Variants in ATIC observed in about 807,000 individuals in gnomAD.
ATIC encodes bifunctional purine biosynthesis protein ATIC.
Under a neutral mutation model 72.5 loss-of-function variants are expected in ATIC, and 64 were observed. The observed-to-expected ratio is 0.88, with a 90% CI of 0.72 to 1.09. ATIC has a LOEUF of 1.09. ATIC is among the 50% of genes least tolerant of loss of function. ATIC has a pLI of 0.00. For missense variants in ATIC, 787 were observed against 732.4 expected, an observed-to-expected ratio of 1.07 and a Z score of -0.86; for synonymous variants, 281 against 267.1, an observed-to-expected ratio of 1.05 and a Z score of -0.51.
chr2:215,331,381 G>GT (rs66928848), intron 7 of ATIC, among the ~76,000 whole-genome samples: 33,536 of 117,376 alleles, frequency 0.29, 5,224 homozygotes, highest in South Asian at 0.5. Context: ...TGTTTTTTGG[G>GT]TTTTTTTTTT....
At chr2:215,325,524 A>C (rs545188933) in intron 5 of ATIC, among the ~76,000 whole-genome samples, 195 bp downstream of exon 5, 1 of 151,506 alleles carries the variant, frequency 6.6e-6, no homozygotes, top group Non-Finnish European at 1.5e-5. Context: ...GTATGCAGAG[A>C]TGCATCTGGG....
At chr2:215,363,970 G>C in the ATIC span, among the ~76,000 whole-genome samples, 1 of 152,120 alleles carries the variant, frequency 6.6e-6, no homozygotes. Flanking sequence ...GCCCACCTGG[G>C]CCAGCTCCTT....
intron 14 of ATIC, chr2:215,347,319 C>CATTA (rs1314989190): frequency 2.7e-6 from 1 of 374,212 alleles, no homozygotes; most frequent in African/African-American, 2.1e-5. Flanking sequence ...CTGTATTCAA[C>CATTA]ATTAAATACA....
intron 13 of ATIC, 113 bp from the exon 14 acceptor site, chr2:215,346,646 A>C: frequency 8.1e-7 from 1 of 1,233,010 alleles, no homozygotes; most frequent in Admixed American, 1.7e-5. Flanking sequence ...TTTTGGCCTG[A>C]TATGTTCTTC....
the ATIC span, among the ~76,000 whole-genome samples, chr2:215,360,040 G>A: frequency 1.1e-4 from 16 of 152,138 alleles, no homozygotes; most frequent in Admixed American, 4.6e-4. Flanking sequence ...CTGGGTTCAA[G>A]CCATTCTCCT....
Position 215,324,938 on chromosome 2 carries a change from C to G in ATIC, c.291-303C>G, listed in dbSNP as rs572726690. On this transcript the variant is annotated intron_variant, in intron 4 of 15. Coordinates refer to ENST00000236959, the MANE Select transcript of ATIC (RefSeq NM_004044.7). ...AAAATGTTCTATAAATTTTTCATGG[C>G]TTGGTGGTTCTGGGTAGCTAAGGTT... Among the ~76,000 whole-genome samples, 7 of 152,114 alleles carry G rather than the reference C, an allele frequency of 4.6e-5. No individual in the cohort carries two copies. In the South Asian group the frequency reaches 1.5e-3, roughly 32 times the overall value.
chr2:215,364,839 C>T, the ATIC span: 117 of 1,385,112 alleles, frequency 8.4e-5, 1 homozygote, highest in South Asian at 1.4e-3. Context: ...CACCCTTTAT[C>T]TTATCTAACT....
chr2:215,344,753 A>C, intron 12 of ATIC, 26 bp from the exon 13 acceptor site: 1 of 1,603,144 alleles, frequency 6.2e-7, no homozygotes, highest in Non-Finnish European at 8.5e-7. Flanking sequence ...GGCCCCATGC[A>C]ATTTACCATT....
chr2:215,365,012 C>A, the ATIC span: 2 of 1,403,484 alleles, frequency 1.4e-6, no homozygotes, highest in South Asian at 1.2e-5. Flanking sequence ...GACAGATGCA[C>A]GCATAAGCTG....
At chr2:215,339,531 T>G (rs1041655002) in intron 12 of ATIC, among the ~76,000 whole-genome samples, 4 of 152,196 alleles carry the variant, frequency 2.6e-5, no homozygotes, top group Admixed American at 6.5e-5. Flanking sequence ...TAAATGCATA[T>G]TCATATCTTT....
chr2:215,363,211 T>A, the ATIC span: 1 of 152,142 alleles, frequency 6.6e-6, no homozygotes, highest in South Asian at 2.1e-4. Context: ...CACTTGAGAA[T>A]AGAATAAGTG....
At chr2:215,323,454 T>C (rs151202021) in intron 4 of ATIC, among the ~76,000 whole-genome samples, 105 of 152,378 alleles carry the variant, frequency 6.9e-4, no homozygotes, top group African/African-American at 2.4e-3. Flanking sequence ...GTGTCTTTAA[T>C]TTCTTTAACA....
intron 2 of ATIC, 66 bp downstream of exon 2, chr2:215,312,690 G>C: frequency 1.2e-6 from 2 of 1,611,490 alleles, no homozygotes; most frequent in Non-Finnish European, 1.7e-6. Context: ...TTGTATTCCA[G>C]GCACCAGCAG....
intron 11 of ATIC, 51 bp downstream of exon 11, chr2:215,336,175 T>C (rs1213335987): frequency 6.6e-6 from 9 of 1,363,986 alleles, no homozygotes; most frequent in Non-Finnish European, 9.4e-6. Flanking sequence ...ATTCTGTGTC[T>C]CTTTCTCCCT....
chr2:215,335,944 C>T lies in ATIC; in HGVS notation c.1009-91C>T, dbSNP rs1222938772. On this transcript the variant is annotated intron_variant, in intron 10 of 15. Coordinates refer to ENST00000236959, the MANE Select transcript of ATIC (RefSeq NM_004044.7). ...AGGCAGAAACCAGAATATGCTGCCA[C>T]ATTATTTAAGACTGATAATTGCTGC... 3.0e-6 allele frequency: 3 copies of T among 1,001,562 alleles called. No homozygotes were observed. The East Asian group carries it at 7.8e-5, about 26-fold the overall frequency. 62.0% of individuals were successfully genotyped at this position (1,001,562 alleles called of 1,614,324 possible).
chr2:215,353,808 C>T (rs188091405), downstream of ATIC, among the ~76,000 whole-genome samples: 16 of 152,098 alleles, frequency 1.1e-4, no homozygotes, highest in Non-Finnish European at 1.5e-4. Context: ...GTGATCTGCC[C>T]GCCTCGGCCT....
the ATIC span, among the ~76,000 whole-genome samples, chr2:215,358,452 A>G: frequency 0.024 from 3,665 of 152,280 alleles, 71 homozygotes; most frequent in Middle Eastern, 0.044. Flanking sequence ...CTTTGGAAAT[A>G]GTTGGTTCTC....
At chr2:215,347,038 A>G in intron 14 of ATIC, 97 bp downstream of exon 14, 3 of 1,410,116 alleles carry the variant, frequency 2.1e-6, no homozygotes, top group Non-Finnish European at 3.0e-6. Flanking sequence ...AGAGAAAAAG[A>G]TACTTTCATT....
chr2:215,335,750 AAT>A, intron 10 of ATIC, among the ~76,000 whole-genome samples: 1 of 152,356 alleles, frequency 6.6e-6, no homozygotes, highest in South Asian at 2.1e-4. Context: ...TCCCTGAAGA[AAT>A]ATTTCCTCCT....
Sources: allele counts gnomAD v4.1 joint callset (sites outside exome capture counted in the v4.1 genomes callset), GRCh38; gene constraint gnomAD v4.1.1; transcripts MANE v1.5; gene names NCBI Gene and HGNC (gene_info 2026-07-23, HGNC 2026-07-21).